ZNF717: variants seen among roughly 807,000 people sequenced by gnomAD.
ZNF717 encodes the protein krueppel-like factor X17.
In ZNF717, 9 loss-of-function variants were observed where a neutral mutation model predicts 13.8. That is an observed-to-expected ratio of 0.65 (90% CI 0.39 to 1.14). The LOEUF is 1.14. Ranked by LOEUF, ZNF717 falls within the 50% of genes most tolerant of loss-of-function variation. The probability of loss-of-function intolerance (pLI) is 0.01; values close to 1 mark genes in which losing one functional copy is unlikely to be tolerated. For missense variants in ZNF717, 1,040 were observed against 1,080.7 expected (o/e 0.96, Z 0.53); for synonymous variants, 327 against 364.1 (o/e 0.90, Z 1.16).
At chr3:75,713,479 T>G (rs1421808392) in intron 5 of ZNF717, among the ~76,000 whole-genome samples, 1 of 152,128 alleles carries the variant, frequency 6.6e-6, no homozygotes, top group Non-Finnish European at 1.5e-5. Flanking sequence ...AAACTTGTAG[T>G]AACCTTAAAT....
intron 2 of ZNF717, among the ~76,000 whole-genome samples, chr3:75,758,464 A>G (rs62268085): frequency 2.0e-5 from 3 of 151,200 alleles, no homozygotes; most frequent in East Asian, 1.9e-4. Flanking sequence ...ATTGAACCCA[A>G]TGATTTACAA....
rs1424413479 is a variant in ZNF717 at position 75,738,747 on chromosome 3, G to A, written c.876C>T (p.Ser292=). The A allele has an allele frequency of 1.9e-6, 3 of 1,552,172 alleles. No homozygotes were observed. Among genetic ancestry groups the A allele is most frequent in the Non-Finnish European group, 2.6e-6 (3 of 1,147,498 alleles). Residue 292 remains serine (S), a synonymous_variant, in exon 5 of 5, where the codon TCC becomes TCT. Coordinates refer to ENST00000652011, the MANE Select transcript of ZNF717 (RefSeq NM_001290208.3). ...GTAGCATAAGGTCTGATTTGCTAAT[G>A]GAGGGTTTCTCACATTCAACACATT... The part of the protein sequence containing the change: ...PYECVECEKP[S]ISKSDLMLQC...
intron 4 of ZNF717, among the ~76,000 whole-genome samples, chr3:75,723,826 T>C (rs1370364259): frequency 1.4e-5 from 2 of 138,602 alleles, no homozygotes; most frequent in African/African-American, 5.2e-5. Flanking sequence ...AGTCTCCCTT[T>C]CCCCGGGGGA....
chr3:75,724,823 CA>C (rs1938244438), intron 4 of ZNF717, among the ~76,000 whole-genome samples: 1 of 151,856 alleles, frequency 6.6e-6, no homozygotes, highest in African/African-American at 2.4e-5. Context: ...AGACAAGTAA[CA>C]TATCTGTATT....
chr3:75,755,972 C>T (rs1400829743), intron 2 of ZNF717, among the ~76,000 whole-genome samples: 2 of 43,786 alleles, frequency 4.6e-5, no homozygotes, highest in African/African-American at 1.1e-4. Flanking sequence ...AGACACATCT[C>T]GTTTCACTGC....
chr3:75,767,793 G>A (rs1230324461), intron 2 of ZNF717, among the ~76,000 whole-genome samples: 2 of 151,508 alleles, frequency 1.3e-5, no homozygotes, highest in Non-Finnish European at 2.9e-5. Context: ...AGAGGGACAT[G>A]ATCTAAAGAA....
Position 75,738,396 on chromosome 3 carries a change from G to C in ZNF717, c.1227C>G (p.Tyr409Ter), listed in dbSNP as rs1415610461. 10 of 1,533,518 alleles carry C rather than the reference G, an allele frequency of 6.5e-6. No individual in the cohort carries two copies. The highest frequency in any genetic ancestry group is 2.0e-5 in the Admixed American group (1 of 49,846). The allele number at this position is 1,533,518 out of a possible 1,614,324, so 95.0% of individuals were successfully genotyped here. Residue 409 changes from tyrosine (Y) to a stop codon, truncating the protein, a stop_gained, in exon 5 of 5, where the codon TAC becomes TAG. Transcript: ENST00000652011. LOFTEE classifies it low-confidence loss of function (END_TRUNC). ...ECGKTFSQKS[Y>*]LTIHHRTHTG... ...TGTGAGTTCTATGATGTATTGTGAG[G>C]TATGACTTCTGGCTAAAGGTTTTTC...
At chr3:75,722,871 G>C (rs62248788) in intron 4 of ZNF717, among the ~76,000 whole-genome samples, 1 of 144,234 alleles carries the variant, frequency 6.9e-6, no homozygotes. Context: ...GATCTCCAAA[G>C]AAATGCTTTA....
intron 4 of ZNF717, among the ~76,000 whole-genome samples, chr3:75,724,081 C>CT (rs1938225985): frequency 1.3e-5 from 2 of 151,334 alleles, no homozygotes; most frequent in East Asian, 1.9e-4. Context: ...CTCTCTCTCT[C>CT]CCCACCTCGG....
At chr3:75,696,690 C>T (rs148097697) in intron 6 of ZNF717, among the ~76,000 whole-genome samples, 13 of 152,094 alleles carry the variant, frequency 8.5e-5, no homozygotes, top group African/African-American at 2.9e-4. Flanking sequence ...TTCAGGAGTT[C>T]TAAACCAGTA....
intron 2 of ZNF717, 25 bp downstream of exon 2, chr3:75,783,281 A>C (rs1056178658): frequency 7.2e-6 from 11 of 1,533,182 alleles, no homozygotes; most frequent in Non-Finnish European, 9.7e-6. Context: ...TGTAAAACAA[A>C]GTGAAGAACA....
intron 2 of ZNF717, among the ~76,000 whole-genome samples, chr3:75,760,837 G>A (rs1205622489): frequency 1.2e-4 from 13 of 105,890 alleles, no homozygotes; most frequent in African/African-American, 3.7e-4. Context: ...CCAGAAAAAA[G>A]AAAGGAAAAA....
At chr3:75,699,758 C>A (rs1366590157) in intron 6 of ZNF717, among the ~76,000 whole-genome samples, 2 of 152,296 alleles carry the variant, frequency 1.3e-5, no homozygotes, top group African/African-American at 4.8e-5. Flanking sequence ...TGGCCTAATA[C>A]ATCCACCAAA....
At chr3:75,704,751 G>A (rs1456930884), downstream of ZNF717, among the ~76,000 whole-genome samples, 3 of 152,292 alleles carry the variant, frequency 2.0e-5, no homozygotes, top group African/African-American at 7.2e-5. Context: ...TAGCCTGGAG[G>A]CTGCCCCAGG....
At chr3:75,708,174 G>A (rs771474374), downstream of ZNF717, among the ~76,000 whole-genome samples, 551 of 152,376 alleles carry the variant, frequency 3.6e-3, 1 homozygote, top group Non-Finnish European at 5.7e-3. Flanking sequence ...CCTGACCCCC[G>A]AGCAGCCTAA....
In ZNF717 at chr3:75,764,473, G is replaced by A. The variant is rs1305430384; in HGVS notation, c.57+18833C>T. ...AGCATGACTGTTTGCCCAACGTAAT[G>A]AGGATGAACTGTGATATAATGAATG... On this transcript the variant is annotated intron_variant, in intron 2 of 4. Coordinates refer to ENST00000652011, the MANE Select transcript of ZNF717 (RefSeq NM_001290208.3). Among the ~76,000 whole-genome samples the A allele has an allele frequency of 3.3e-5, 5 of 152,210 alleles. No homozygotes were observed. In the East Asian group the frequency reaches 9.6e-4, roughly 29 times the overall value.
downstream of ZNF717, among the ~76,000 whole-genome samples, chr3:75,733,120 A>G (rs1300862265): frequency 5.3e-5 from 8 of 152,204 alleles, no homozygotes; most frequent in Non-Finnish European, 1.0e-4. Flanking sequence ...TAGTAGATTG[A>G]ACACAACAAA....
At chr3:75,731,375 C>CA (rs1169589220), downstream of ZNF717, among the ~76,000 whole-genome samples, 2 of 145,074 alleles carry the variant, frequency 1.4e-5, no homozygotes, top group African/African-American at 5.1e-5. Flanking sequence ...AGCTCTGCCT[C>CA]AAAAAATTAA....
intron 4 of ZNF717, among the ~76,000 whole-genome samples, chr3:75,723,331 C>G (rs1938206145): frequency 7.6e-6 from 1 of 132,152 alleles, no homozygotes; most frequent in South Asian, 2.5e-4. Context: ...CTCACTGCAA[C>G]CTCTGCCTTC....
Sources: allele counts gnomAD v4.1 joint callset (sites outside exome capture counted in the v4.1 genomes callset), GRCh38; gene constraint gnomAD v4.1.1; transcripts MANE v1.5; gene names NCBI Gene and HGNC (gene_info 2026-07-23, HGNC 2026-07-21).